Variants in CRIPT observed in about 807,000 individuals in gnomAD.
CRIPT encodes CXXC repeat containing interactor of PDZ3 domain, also known as cysteine-rich PDZ-binding protein.
Under a neutral mutation model 16.6 loss-of-function variants are expected in CRIPT, and 20 were observed. The observed-to-expected ratio is 1.20, with a 90% CI of 0.85 to 1.75. CRIPT has a LOEUF of 1.75. Among genes scored for constraint, CRIPT ranks in the 40% most tolerant of loss-of-function variants. CRIPT has a pLI of 0.00. For missense variants in CRIPT, 133 were observed against 115.3 expected, an observed-to-expected ratio of 1.15 and a Z score of -0.70; for synonymous variants, 42 against 37.0, an observed-to-expected ratio of 1.14 and a Z score of -0.49.
At position 46,626,669 on chromosome 2, in the gene CRIPT, T is replaced by A. The variant is rs558161121; in HGVS notation, c.*2442T>A. Among the ~76,000 whole-genome samples, 61 of 152,290 alleles carry A rather than the reference T, an allele frequency of 4.0e-4. No individual in the cohort carries two copies. Among genetic ancestry groups the A allele is most frequent in the African/African-American group, 1.3e-3 (55 of 41,568 alleles). ...TTTTGATAATAGCCATTCTGACTGG[T>A]GTGAGATTGTAACTCATTGTGGTTT... is the stretch of plus-strand genomic sequence containing the variant. On this transcript the variant is annotated 3_prime_UTR_variant, in exon 5 of 5. Transcript: ENST00000238892.
chr2:46,622,245 C>G (rs555966546), intron 3 of CRIPT, among the ~76,000 whole-genome samples: 13 of 151,884 alleles, frequency 8.6e-5, no homozygotes, highest in African/African-American at 3.1e-4. Context: ...TGGCGGTCAC[C>G]TGTAATCCCA....
intron 3 of CRIPT, among the ~76,000 whole-genome samples, chr2:46,623,525 T>G (rs1417154241): frequency 6.6e-6 from 1 of 152,178 alleles, no homozygotes; most frequent in Non-Finnish European, 1.5e-5. Context: ...TATGAACACG[T>G]CAAGAATAAA....
In CRIPT at chr2:46,622,097, C is replaced by T. The variant is rs934203133; in HGVS notation, c.138-1667C>T. Among the ~76,000 whole-genome samples the T allele has an allele frequency of 5.3e-5, 8 of 152,120 alleles. No individual in the cohort carries two copies. The South Asian group carries it at 8.3e-4, about 16-fold the overall frequency. ...AAGATTTCCAAGGTTAGGCCGGGTGCGGTGGCTCACGCCTGTAATCCCAGC... is the reference window on the plus strand; with the variant it reads ...AAGATTTCCAAGGTTAGGCCGGGTGTGGTGGCTCACGCCTGTAATCCCAGC... On this transcript the variant is annotated intron_variant, in intron 3 of 4. Transcript: ENST00000238892.
chr2:46,626,631 T>TACA lies in CRIPT; in HGVS notation c.*2405_*2406insCAA, dbSNP rs1374723651. Reference sequence around the variant, plus strand: ...TTCCCACAGCCTCACCAGCATCTGTTATTTTTTTGACTTTTTGATAATAGC... The same window carrying TACA: ...TTCCCACAGCCTCACCAGCATCTGTTACAATTTTTTTGACTTTTTGATAATAGC... On this transcript the variant is annotated 3_prime_UTR_variant, in exon 5 of 5. Coordinates refer to ENST00000238892, the MANE Select transcript of CRIPT (RefSeq NM_014171.6). Among the ~76,000 whole-genome samples, 1 of 152,204 alleles carries TACA rather than the reference T, an allele frequency of 6.6e-6. No homozygotes were observed. The highest frequency in any genetic ancestry group is 2.4e-5 in the African/African-American group (1 of 41,462).
At position 46,617,477 on chromosome 2, in the gene CRIPT, T is replaced by C. The variant is rs76740178; in HGVS notation, c.16+179T>C. On this transcript the variant is annotated intron_variant, in intron 1 of 4. Coordinates refer to ENST00000238892, the MANE Select transcript of CRIPT (RefSeq NM_014171.6). Reference sequence around the variant, plus strand: ...CTCCCAACGACCATACAGTCCTATATATTTTGTACTCAGAATGGTCTCAGT... The same window carrying C: ...CTCCCAACGACCATACAGTCCTATACATTTTGTACTCAGAATGGTCTCAGT... 0.016 allele frequency among the ~76,000 whole-genome samples: 2,431 copies of C among 152,220 alleles called. 67 individuals carry two copies. The highest frequency in any genetic ancestry group is 0.055 in the African/African-American group (2,288 of 41,504).
intron 3 of CRIPT, among the ~76,000 whole-genome samples, chr2:46,622,812 CAAAA>C (rs879328286): frequency 7.3e-5 from 10 of 137,004 alleles, no homozygotes; most frequent in Non-Finnish European, 1.6e-4. Flanking sequence ...GATTCAGTCT[CAAAA>C]AAAAAAAAGT....
chr2:46,621,090 AC>A (rs975104915), intron 3 of CRIPT, among the ~76,000 whole-genome samples: 6 of 152,216 alleles, frequency 3.9e-5, no homozygotes, highest in African/African-American at 1.4e-4. Flanking sequence ...TAACTATTGA[AC>A]TATCTTCCTG....
At chr2:46,620,178 G>A (rs938394604) in intron 3 of CRIPT, among the ~76,000 whole-genome samples, 1 of 152,178 alleles carries the variant, frequency 6.6e-6, no homozygotes, top group Non-Finnish European at 1.5e-5. Context: ...GCTGGGTAAG[G>A]TGACTCACAC....
At chr2:46,621,573 T>C (rs974253754) in intron 3 of CRIPT, among the ~76,000 whole-genome samples, 1 of 152,262 alleles carries the variant, frequency 6.6e-6, no homozygotes, top group Non-Finnish European at 1.5e-5. Context: ...TTTCCTTACT[T>C]ACTGTTTACC....
At position 46,626,187 on chromosome 2, in the gene CRIPT, G is replaced by A. The variant is rs913284995; in HGVS notation, c.*1960G>A. Among the ~76,000 whole-genome samples the A allele has an allele frequency of 2.0e-4, 31 of 152,018 alleles. No homozygotes were observed. The highest frequency in any genetic ancestry group is 5.3e-4 in the African/African-American group (22 of 41,378). ...TTCCCACTGATAAGTGAGAACATGC[G>A]GTCTTTGGTTTTCTGTTCCTGTGTA... On this transcript the variant is annotated 3_prime_UTR_variant, in exon 5 of 5. Coordinates refer to ENST00000238892, the MANE Select transcript of CRIPT (RefSeq NM_014171.6).
At position 46,626,172 on chromosome 2, in the gene CRIPT, T is replaced by C. The variant is rs1670935139; in HGVS notation, c.*1945T>C. 6.6e-6 allele frequency among the ~76,000 whole-genome samples: 1 copy of C among 152,214 alleles called. No homozygotes were observed. The highest frequency in any genetic ancestry group is 6.5e-5 in the Admixed American group (1 of 15,276). ...GTACCCATTGCTTAGTTCCCACTGA[T>C]AAGTGAGAACATGCGGTCTTTGGTT... On this transcript the variant is annotated 3_prime_UTR_variant, in exon 5 of 5. Transcript: ENST00000238892.
rs1306444356 is a variant in CRIPT at position 46,628,664 on chromosome 2, A to C, written c.*4437A>C. Among the ~76,000 whole-genome samples the C allele has an allele frequency of 6.6e-6, 1 of 152,212 alleles. No individual in the cohort carries two copies. The highest frequency in any genetic ancestry group is 1.9e-4 in the East Asian group (1 of 5,194). ...AATGGATCATCCAGTGGCCGCACTT[A>C]GGTTCTCCTATGAAGATTTTTGTTG... On this transcript the variant is annotated 3_prime_UTR_variant, in exon 5 of 5. Transcript: ENST00000238892.
At chr2:46,623,056 A>G (rs1485581816) in intron 3 of CRIPT, among the ~76,000 whole-genome samples, 1 of 152,096 alleles carries the variant, frequency 6.6e-6, no homozygotes, top group African/African-American at 2.4e-5. Flanking sequence ...GCATTTTTAT[A>G]TAGTGGAAGC....
rs1671029581 is a variant in CRIPT, at chr2:46,629,898, G to C, written c.*5671G>C. ...TAGCATCCTTTGACGATTCTTGTCT[G>C]AATAAATTTTTACTAGGATGTTTCC... is the stretch of plus-strand genomic sequence containing the variant. On this transcript the variant is annotated 3_prime_UTR_variant, in exon 5 of 5. Coordinates refer to ENST00000238892, the MANE Select transcript of CRIPT (RefSeq NM_014171.6). Among the ~76,000 whole-genome samples, 1 of 152,128 alleles carries C rather than the reference G, an allele frequency of 6.6e-6. No individual in the cohort carries two copies. Among genetic ancestry groups the C allele is most frequent in the Admixed American group, 6.5e-5 (1 of 15,270 alleles).
chr2:46,620,779 C>A (rs562580401), intron 3 of CRIPT, among the ~76,000 whole-genome samples: 1 of 150,608 alleles, frequency 6.6e-6, no homozygotes, highest in Non-Finnish European at 1.5e-5. Context: ...GGCCTGACTT[C>A]TCTGAGCTCT....
chr2:46,628,937 A>C lies in CRIPT; in HGVS notation c.*4710A>C, dbSNP rs538035157. Among the ~76,000 whole-genome samples the C allele has an allele frequency of 5.3e-5, 8 of 152,358 alleles. No individual in the cohort carries two copies. Among genetic ancestry groups the C allele is most frequent in the African/African-American group, 1.9e-4 (8 of 41,590 alleles). On this transcript the variant is annotated 3_prime_UTR_variant, in exon 5 of 5. Coordinates refer to ENST00000238892, the MANE Select transcript of CRIPT (RefSeq NM_014171.6). ...AAAACAAGGAATTAAAGCCAAACCT[A>C]ACTTTTATCAAAATAAATGTAAAAG...
In CRIPT at chr2:46,618,750, C is replaced by G. The variant is rs762591197; in HGVS notation, c.17-23C>G. 6.0e-6 allele frequency: 9 copies of G among 1,512,102 alleles called. No individual in the cohort carries two copies. The South Asian group carries it at 9.4e-5, about 16-fold the overall frequency. 93.7% of individuals were successfully genotyped at this position (1,512,102 alleles called of 1,614,324 possible). A position where few individuals can be genotyped will look rare whatever the true frequency, so the allele number is the denominator to read the frequency against. On this transcript the variant is annotated intron_variant, in intron 1 of 4. Coordinates refer to ENST00000238892, the MANE Select transcript of CRIPT (RefSeq NM_014171.6). ...TATTAAATAATAAAGTTTAATTTTC[C>G]TTTTACTATCTTGTTCTAACAGGTG...
In CRIPT at chr2:46,626,202, G is replaced by T. The variant is rs1360268310; in HGVS notation, c.*1975G>T. Among the ~76,000 whole-genome samples the T allele has an allele frequency of 6.6e-6, 1 of 152,072 alleles. No individual in the cohort carries two copies. Among genetic ancestry groups the T allele is most frequent in the African/African-American group, 2.4e-5 (1 of 41,384 alleles). Reference sequence around the variant, plus strand: ...GAGAACATGCGGTCTTTGGTTTTCTGTTCCTGTGTATATTCACTATAATGA... The same window carrying T: ...GAGAACATGCGGTCTTTGGTTTTCTTTTCCTGTGTATATTCACTATAATGA... On this transcript the variant is annotated 3_prime_UTR_variant, in exon 5 of 5. Coordinates refer to ENST00000238892, the MANE Select transcript of CRIPT (RefSeq NM_014171.6).
At chr2:46,620,713 A>G (rs936238859) in intron 3 of CRIPT, among the ~76,000 whole-genome samples, 7 of 147,396 alleles carry the variant, frequency 4.7e-5, no homozygotes, top group African/African-American at 1.7e-4. Flanking sequence ...TAATAATATT[A>G]TTATATATAT....
Sources: allele counts gnomAD v4.1 joint callset (sites outside exome capture counted in the v4.1 genomes callset), GRCh38; gene constraint gnomAD v4.1.1; transcripts MANE v1.5; gene names NCBI Gene and HGNC (gene_info 2026-07-23, HGNC 2026-07-21).